SCN3A: variants seen among roughly 807,000 people sequenced by gnomAD.
SCN3A encodes the protein sodium channel protein type 3 subunit alpha.
In SCN3A, 60 loss-of-function variants were observed where a neutral mutation model predicts 187.6. The ratio of observed to expected loss-of-function variants is 0.32; its 90% confidence interval spans 0.26 to 0.40. SCN3A has a LOEUF of 0.40. SCN3A is among the 10% of genes least tolerant of loss of function. The probability of loss-of-function intolerance (pLI) is 1.00; values close to 1 mark genes in which losing one functional copy is unlikely to be tolerated. For synonymous variants in SCN3A, 788 were observed against 829.2 expected (o/e 0.95, Z 0.85); for missense variants, 1,601 against 2,428.2 (o/e 0.66, Z 7.16).
At chr2:165,100,952 G>T (rs976494731) in intron 21 of SCN3A, among the ~76,000 whole-genome samples, 2 of 152,116 alleles carry the variant, frequency 1.3e-5, no homozygotes, top group Admixed American at 6.5e-5. Context: ...TGTCTGGTCA[G>T]ATATACTTTA....
At chr2:165,098,885 C>T (rs1230884817) in intron 22 of SCN3A, among the ~76,000 whole-genome samples, 1 of 152,058 alleles carries the variant, frequency 6.6e-6, no homozygotes, top group Non-Finnish European at 1.5e-5. Context: ...CATAAATGAA[C>T]TGTTAATAGG....
chr2:165,147,153 TATTTTGTCTCACCACA>T, intron 11 of SCN3A, 124 bp from the exon 12 acceptor site: 2 of 1,081,534 alleles, frequency 1.8e-6, no homozygotes, highest in Non-Finnish European at 2.7e-6. Flanking sequence ...CTAGTCCTTT[TATTTTGTCTCACCACA>T]AGAGTTTACT....
intron 2 of SCN3A, 27 bp from the exon 3 acceptor site, chr2:165,176,471 A>G (rs1345812980): frequency 8.2e-6 from 13 of 1,578,472 alleles, no homozygotes; most frequent in Non-Finnish European, 1.1e-5. Flanking sequence ...ATTGCACAAG[A>G]GTTAGGAAAG....
At chr2:165,157,540 G>A (rs1019724090) in intron 9 of SCN3A, among the ~76,000 whole-genome samples, 9 of 152,162 alleles carry the variant, frequency 5.9e-5, no homozygotes, top group African/African-American at 2.2e-4. Context: ...CACTCTTGAT[G>A]TTAACTTTCA....
intron 22 of SCN3A, among the ~76,000 whole-genome samples, chr2:165,098,997 G>A (rs1463915667): frequency 6.6e-6 from 1 of 152,170 alleles, no homozygotes; most frequent in African/African-American, 2.4e-5. Context: ...ATTTTATCTT[G>A]TCTAACTTTC....
chr2:165,163,467 T>G (rs908646616), intron 7 of SCN3A, 151 bp downstream of exon 7: 8 of 961,674 alleles, frequency 8.3e-6, no homozygotes, highest in Non-Finnish European at 1.3e-5. Context: ...TTTATAAAAT[T>G]TTAGGAGCTA....
At chr2:165,162,254 C>CTT (rs60156545) in intron 9 of SCN3A, 54 bp downstream of exon 9, 1,298 of 1,342,814 alleles carry the variant, frequency 9.7e-4, no homozygotes, top group East Asian at 4.0e-3. Flanking sequence ...TTCCTACCTA[C>CTT]TTTTTTTTTT....
rs1363077983 is a variant in SCN3A at position 165,186,642 on chromosome 2, C to A, written c.-142G>T. On this transcript the variant is annotated 5_prime_UTR_variant, in exon 2 of 28. It introduces an in-frame stop codon into an upstream open reading frame of the 5' UTR. Coordinates refer to ENST00000283254, the MANE Select transcript of SCN3A (RefSeq NM_006922.4). ...TCTTACAATATCCCTAGAAGAGATT[C>A]TTTGCTCCTTTCCCAGTAAGCCACT... 6.6e-6 allele frequency: 1 copy of A among 152,140 alleles called. No individual in the cohort carries two copies. Among genetic ancestry groups the A allele is most frequent in the Admixed American group, 6.5e-5 (1 of 15,270 alleles). The allele number at this position is 152,140 out of a possible 1,614,324, so 9.4% of individuals were successfully genotyped here.
At chr2:165,117,814 A>G (rs929536952) in intron 18 of SCN3A, among the ~76,000 whole-genome samples, 7 of 152,192 alleles carry the variant, frequency 4.6e-5, no homozygotes, top group African/African-American at 1.7e-4. Context: ...GTAATTATAC[A>G]TGTATACACA....
In SCN3A at chr2:165,154,952, T is replaced by G. The variant is rs567034516; in HGVS notation, c.1174-294A>C. Reference sequence around the variant, plus strand: ...AGAGTTCATATGCAGAGCAATAATATGACAAGTAAGAGCACTGAACCTTTA... The same window carrying G: ...AGAGTTCATATGCAGAGCAATAATAGGACAAGTAAGAGCACTGAACCTTTA... On this transcript the variant is annotated intron_variant, in intron 10 of 27. Transcript: ENST00000283254. Among the ~76,000 whole-genome samples the G allele has an allele frequency of 2.0e-5, 3 of 152,294 alleles. No homozygotes were observed. In the South Asian group the frequency reaches 6.2e-4, roughly 32 times the overall value.
In SCN3A at chr2:165,100,891, C is replaced by T. The variant is rs16850100; in HGVS notation, c.3844-467G>A. 9.5e-3 allele frequency among the ~76,000 whole-genome samples: 1,454 copies of T among 152,264 alleles called. 15 individuals carry two copies. Among genetic ancestry groups the T allele is most frequent in the African/African-American group, 0.033 (1,357 of 41,558 alleles). On this transcript the variant is annotated intron_variant, in intron 21 of 27. Transcript: ENST00000283254. Reference sequence around the variant, plus strand: ...CTTATCTCCCTTTCCAGATCGTATACGTTTTTTTATCAGCTGGGATGAAAC... The same window carrying T: ...CTTATCTCCCTTTCCAGATCGTATATGTTTTTTTATCAGCTGGGATGAAAC...
At chr2:165,157,181 A>T (rs1298817638) in intron 9 of SCN3A, among the ~76,000 whole-genome samples, 1 of 152,132 alleles carries the variant, frequency 6.6e-6, no homozygotes, top group African/African-American at 2.4e-5. Flanking sequence ...AAGTGCTGGG[A>T]TTACAGGCGA....
chr2:165,097,562 T>G (rs749037237), intron 22 of SCN3A, 38 bp from the exon 23 acceptor site: 1 of 1,609,504 alleles, frequency 6.2e-7, no homozygotes, highest in Admixed American at 1.7e-5. Context: ...CTTACAAACC[T>G]TTTGAATGGA....
intron 2 of SCN3A, among the ~76,000 whole-genome samples, chr2:165,184,831 T>G (rs1269685128): frequency 1.3e-5 from 2 of 152,148 alleles, no homozygotes; most frequent in Non-Finnish European, 2.9e-5. Context: ...TTGCTCTCAG[T>G]GTGTTGTCAA....
At chr2:165,141,141 G>T in intron 12 of SCN3A, 143 bp from the exon 13 acceptor site, 2 of 608,352 alleles carry the variant, frequency 3.3e-6, no homozygotes, top group South Asian at 2.6e-5. Flanking sequence ...AATTTATAGA[G>T]GACACATATA....
At chr2:165,152,631 A>C (rs12692759) in intron 11 of SCN3A, among the ~76,000 whole-genome samples, 111,017 of 151,920 alleles carry the variant, frequency 0.73, 40,691 homozygotes, top group East Asian at 0.84. Context: ...AGTTCTAGAT[A>C]CCTGAGGAAT....
intron 11 of SCN3A, among the ~76,000 whole-genome samples, chr2:165,152,288 A>G (rs1397755344): frequency 1.3e-5 from 2 of 152,184 alleles, no homozygotes; most frequent in Non-Finnish European, 2.9e-5. Context: ...TGTATTGTGT[A>G]TGTTCACAAT....
At chr2:165,168,511 T>G (rs2105905564) in intron 5 of SCN3A, among the ~76,000 whole-genome samples, 1 of 152,178 alleles carries the variant, frequency 6.6e-6, no homozygotes, top group African/African-American at 2.4e-5. Flanking sequence ...AAGCATATAC[T>G]AATTTATAAC....
At chr2:165,159,401 G>C (rs1407497622) in intron 9 of SCN3A, among the ~76,000 whole-genome samples, 1 of 137,390 alleles carries the variant, frequency 7.3e-6, no homozygotes, top group Non-Finnish European at 1.5e-5. Flanking sequence ...CTGTTGCCCA[G>C]GCTATAGTGC....
Sources: allele counts gnomAD v4.1 joint callset (sites outside exome capture counted in the v4.1 genomes callset), GRCh38; gene constraint gnomAD v4.1.1; transcripts MANE v1.5; gene names NCBI Gene and HGNC (gene_info 2026-07-23, HGNC 2026-07-21).